Variants in RBM47 observed in about 807,000 individuals in gnomAD.
The protein encoded by RBM47 is RNA-binding protein 47.
Under a neutral mutation model 47.1 loss-of-function variants are expected in RBM47, and 21 were observed. The observed-to-expected ratio is 0.45, with a 90% CI of 0.32 to 0.64. The LOEUF (loss-of-function observed/expected upper bound fraction) is 0.64. Among genes scored for constraint, RBM47 ranks in the 30% least tolerant of loss-of-function variants. RBM47 has a pLI of 0.05. For missense variants in RBM47, 708 were observed against 870.9 expected (o/e 0.81, Z 2.35); for synonymous variants, 375 against 361.7 (o/e 1.04, Z -0.42).
chr4:40,614,753 C>T (rs566322097), intron 1 of RBM47, among the ~76,000 whole-genome samples: 1 of 152,108 alleles, frequency 6.6e-6, no homozygotes, highest in South Asian at 2.1e-4. Context: ...ATCACTTGAG[C>T]CTAGAAGGCC....
intron 1 of RBM47, among the ~76,000 whole-genome samples, chr4:40,602,251 T>C (rs1316683243): frequency 2.0e-5 from 3 of 152,156 alleles, no homozygotes; most frequent in African/African-American, 7.2e-5. Flanking sequence ...GAATAATTAA[T>C]GAACCTCATA....
At chr4:40,436,003 A>T (rs1317409510) in intron 5 of RBM47, among the ~76,000 whole-genome samples, 2 of 6,402 alleles carry the variant, frequency 3.1e-4, no homozygotes, top group Non-Finnish European at 8.7e-4. Context: ...CTAAAAATAC[A>T]AAAAAAAAAA....
intron 2 of RBM47, among the ~76,000 whole-genome samples, chr4:40,483,433 G>A (rs1473580781): frequency 6.6e-6 from 1 of 152,250 alleles, no homozygotes; most frequent in Non-Finnish European, 1.5e-5. Flanking sequence ...GCAGGGGTCA[G>A]ATGGGAGCGT....
At chr4:40,556,895 A>AAT (rs200142027) in intron 1 of RBM47, among the ~76,000 whole-genome samples, 2,402 of 150,364 alleles carry the variant, frequency 0.016, 83 homozygotes, top group African/African-American at 0.056. Flanking sequence ...GTCTCAAAAA[A>AAT]ATATATATAT....
At chr4:40,541,919 T>A (rs1038928173) in intron 2 of RBM47, among the ~76,000 whole-genome samples, 3 of 152,210 alleles carry the variant, frequency 2.0e-5, no homozygotes, top group Admixed American at 6.5e-5. Flanking sequence ...ATCGTACACA[T>A]ACATTGACTA....
chr4:40,452,312 A>C (rs1367623053), intron 3 of RBM47, among the ~76,000 whole-genome samples: 3 of 152,178 alleles, frequency 2.0e-5, no homozygotes, highest in Non-Finnish European at 4.4e-5. Flanking sequence ...AGGCTCAAAA[A>C]GAAAATGAAA....
intron 1 of RBM47, among the ~76,000 whole-genome samples, chr4:40,605,303 G>A (rs1448411734): frequency 6.6e-6 from 1 of 152,086 alleles, no homozygotes; most frequent in Non-Finnish European, 1.5e-5. Context: ...GGGATTACAG[G>A]CGTGAACCAC....
chr4:40,554,821 G>A (rs1294940674), intron 1 of RBM47, among the ~76,000 whole-genome samples: 1 of 150,706 alleles, frequency 6.6e-6, no homozygotes. Flanking sequence ...AAGGGCAGTG[G>A]CGTGATCTCG....
chr4:40,495,077 G>A (rs990394330), intron 2 of RBM47, among the ~76,000 whole-genome samples: 1 of 152,086 alleles, frequency 6.6e-6, no homozygotes, highest in Non-Finnish European at 1.5e-5. Context: ...GAGCAGCTGG[G>A]ACTACAGGCA....
intron 4 of RBM47, 77 bp from the exon 5 acceptor site, chr4:40,436,724 G>A (rs928103648): frequency 1.4e-4 from 188 of 1,389,356 alleles, no homozygotes; most frequent in East Asian, 4.6e-5. Context: ...CTCGGTTCTC[G>A]GCATTTAACT....
At position 40,607,622 on chromosome 4, in the gene RBM47, G is replaced by C. The variant is rs558926314; in HGVS notation, c.-240+21774C>G. 9.2e-5 allele frequency among the ~76,000 whole-genome samples: 14 copies of C among 152,284 alleles called. No homozygotes were observed. The East Asian group carries it at 2.7e-3, about 29-fold the overall frequency. On this transcript the variant is annotated intron_variant, in intron 1 of 6. Coordinates refer to ENST00000295971, the MANE Select transcript of RBM47 (RefSeq NM_001098634.2). ...TTCAGGAGGCTGCATTGGGAGGATT[G>C]CTTGAGCCTGGGAGATCGGGGCTGC...
At chr4:40,595,635 C>T (rs1734682811) in intron 1 of RBM47, among the ~76,000 whole-genome samples, 1 of 152,086 alleles carries the variant, frequency 6.6e-6, no homozygotes. Context: ...TGCCTGTAAT[C>T]CTAGCACTTT....
At chr4:40,455,802 AATGCTC>A (rs1292197738) in intron 3 of RBM47, among the ~76,000 whole-genome samples, 1 of 152,218 alleles carries the variant, frequency 6.6e-6, no homozygotes, top group Non-Finnish European at 1.5e-5. Flanking sequence ...GGCTACAGTA[AATGCTC>A]AAGGCCCTTT....
intron 3 of RBM47, among the ~76,000 whole-genome samples, chr4:40,441,346 G>A (rs889790483): frequency 1.3e-5 from 2 of 151,298 alleles, no homozygotes; most frequent in African/African-American, 4.9e-5. Context: ...TCAAACTCCT[G>A]GGCTCAAGTA....
chr4:40,620,867 TATG>T (rs1036899439), intron 1 of RBM47, among the ~76,000 whole-genome samples: 3 of 152,144 alleles, frequency 2.0e-5, no homozygotes, highest in Non-Finnish European at 4.4e-5. Flanking sequence ...ATTCAGTGCA[TATG>T]ATAAGAAATA....
chr4:40,546,001 T>A (rs186571886), intron 1 of RBM47, among the ~76,000 whole-genome samples: 14 of 152,322 alleles, frequency 9.2e-5, no homozygotes, highest in Middle Eastern at 3.4e-3. Flanking sequence ...AAATTCTTTC[T>A]GCAGAGGCAC....
At chr4:40,568,428 C>CAAAAAAAAAAAAAAA (rs35434439) in intron 1 of RBM47, among the ~76,000 whole-genome samples, 1 of 57,574 alleles carries the variant, frequency 1.7e-5, no homozygotes, top group African/African-American at 6.2e-5. Flanking sequence ...AACCCTGTCT[C>CAAAAAAAAAAAAAAA]AAAAAAAAAA....
At chr4:40,542,681 T>C (rs140052807) in intron 2 of RBM47, 5 of 152,176 alleles carry the variant, frequency 3.3e-5, no homozygotes, top group Non-Finnish European at 7.4e-5. Flanking sequence ...AATTTTTTAT[T>C]TTCCAGTAGA....
chr4:40,587,321 C>A (rs919432629), intron 1 of RBM47, among the ~76,000 whole-genome samples: 3 of 152,030 alleles, frequency 2.0e-5, no homozygotes, highest in Non-Finnish European at 4.4e-5. Flanking sequence ...ACAGGTAGTG[C>A]TCAGGGAGGA....
Sources: gnomAD v4.1 joint callset for allele counts (sites outside exome capture counted in the v4.1 genomes callset) on GRCh38, gnomAD v4.1.1 for gene constraint, MANE v1.5 for transcripts, NCBI Gene and HGNC (gene_info 2026-07-23, HGNC 2026-07-21) for gene names.